The following PPP1R16B variants were observed in gnomAD, a reference collection of about 807,000 sequenced individuals.
The protein encoded by PPP1R16B is protein phosphatase 1 regulatory subunit 16B.
A neutral mutation model predicts 61.7 loss-of-function variants in PPP1R16B; 14 were observed. The observed-to-expected ratio is 0.23, with a 90% confidence interval of 0.15 to 0.35. PPP1R16B has a LOEUF of 0.35. Among genes scored for constraint, PPP1R16B ranks in the 10% least tolerant of loss-of-function variants. The pLI, the probability that PPP1R16B is intolerant of heterozygous loss-of-function variation, is 1.00. For synonymous variants in PPP1R16B, 266 were observed against 305.3 expected (o/e 0.87, Z 1.34); for missense variants, 547 against 752.5 (o/e 0.73, Z 3.19).
At chr20:38,830,257 C>T (rs1370429824) in intron 1 of PPP1R16B, among the ~76,000 whole-genome samples, 2 of 152,224 alleles carry the variant, frequency 1.3e-5, no homozygotes, top group Admixed American at 6.5e-5. Flanking sequence ...GCCTCTCTAG[C>T]CCTGAGCACA....
At chr20:38,836,297 C>T in intron 2 of PPP1R16B, 122 bp downstream of exon 2, 1 of 1,374,550 alleles carries the variant, frequency 7.3e-7, no homozygotes, top group Non-Finnish European at 9.7e-7. Flanking sequence ...TTCCAAGTTC[C>T]AGCAGCCCCA....
intron 2 of PPP1R16B, among the ~76,000 whole-genome samples, chr20:38,886,811 T>C (rs1196262260): frequency 6.6e-6 from 1 of 152,244 alleles, no homozygotes; most frequent in African/African-American, 2.4e-5. Flanking sequence ...GTCAAGGTCC[T>C]AGAGGAGTTC....
intron 1 of PPP1R16B, among the ~76,000 whole-genome samples, chr20:38,809,999 A>C (rs1216223996): frequency 2.6e-5 from 4 of 151,178 alleles, no homozygotes; most frequent in Admixed American, 6.6e-5. Flanking sequence ...AAAAAAAAAA[A>C]AAAAAAACAA....
At chr20:38,869,439 G>A (rs892188587) in intron 2 of PPP1R16B, among the ~76,000 whole-genome samples, 8 of 152,088 alleles carry the variant, frequency 5.3e-5, no homozygotes, top group Admixed American at 1.3e-4. Flanking sequence ...GATTACAGGC[G>A]TGAGCCACCG....
chr20:38,900,640 A>T lies in PPP1R16B; in HGVS notation c.527A>T (p.Asp176Val). The stretch of plus-strand genomic sequence containing the variant: ...AACATGCCATATGACCTCTGCGAGG[A>T]TGAACCCACCCTGGATGTCATCGAG... Reference protein sequence around the residue: ...DGNMPYDLCEDEPTLDVIETC... With the variant: ...DGNMPYDLCEVEPTLDVIETC... The change falls in exon 5 of 11, where the codon GAT becomes GTT. Residue 176 changes from aspartate to valine, a missense_variant. Transcript: ENST00000299824. 1 of 1,594,592 alleles carries T rather than the reference A, an allele frequency of 6.3e-7. No homozygotes were observed. Among genetic ancestry groups the T allele is most frequent in the Non-Finnish European group, 8.5e-7 (1 of 1,172,216 alleles).
intron 2 of PPP1R16B, among the ~76,000 whole-genome samples, chr20:38,840,973 A>C (rs559352687): frequency 1.3e-5 from 2 of 152,194 alleles, no homozygotes; most frequent in African/African-American, 4.8e-5. Context: ...ACATTTACGT[A>C]ATCTATTATT....
Position 38,907,889 on chromosome 20 carries a change from C to T in PPP1R16B, c.982C>T (p.His328Tyr). 1 of 1,614,244 alleles carries T rather than the reference C, an allele frequency of 6.2e-7. No homozygotes were observed. ...TGTGATCATGAAGTCACAGCTGAGG[C>T]ACAAGTCATCCTTGAGCCGGAGGAC... The part of the protein sequence containing the change: ...HDVIMKSQLR[H>Y]KSSLSRRTSS... The change falls in exon 9 of 11, where the codon CAC becomes TAC. Residue 328 changes from histidine (H) to tyrosine (Y), a missense_variant. Physicochemically the swap from His to Tyr is moderately conservative, Grantham distance 83. Transcript: ENST00000299824. The surrounding 1 kb of genome is among the most constrained non-coding windows in gnomAD (Gnocchi z 4.5).
chr20:38,888,297 A>C (rs2085261873), intron 2 of PPP1R16B, among the ~76,000 whole-genome samples: 1 of 152,188 alleles, frequency 6.6e-6, no homozygotes, highest in Non-Finnish European at 1.5e-5. Flanking sequence ...CTGGGCCTGC[A>C]CGCCTGGCTT....
At chr20:38,833,253 CA>C (rs2084849030) in intron 1 of PPP1R16B, among the ~76,000 whole-genome samples, 1 of 152,122 alleles carries the variant, frequency 6.6e-6, no homozygotes, top group Non-Finnish European at 1.5e-5. Flanking sequence ...TTTGAAATGA[CA>C]AAATTCTAGA....
chr20:38,915,347 T>A (rs1377198523), intron 10 of PPP1R16B, among the ~76,000 whole-genome samples: 2 of 152,238 alleles, frequency 1.3e-5, no homozygotes, highest in African/African-American at 4.8e-5. Context: ...GCTGTCCCAC[T>A]AAACAGCCCT....
intron 2 of PPP1R16B, among the ~76,000 whole-genome samples, chr20:38,887,552 C>A (rs145779641): frequency 4.5e-4 from 69 of 152,324 alleles, no homozygotes; most frequent in African/African-American, 1.6e-3. Flanking sequence ...TCCAATAGAA[C>A]TTTCCAAGAA....
rs117615107 is a variant in PPP1R16B at position 38,853,499 on chromosome 20, G to C, written c.250+17324G>C. Reference sequence around the variant, plus strand: ...TGTTAGGGTTTTCAGTCTTTCAAGAGAAGCTCAGGACACAGGCTTTTTGGC... The same window carrying C: ...TGTTAGGGTTTTCAGTCTTTCAAGACAAGCTCAGGACACAGGCTTTTTGGC... On this transcript the variant is annotated intron_variant, in intron 2 of 10. Coordinates refer to ENST00000299824, the MANE Select transcript of PPP1R16B (RefSeq NM_015568.4). Among the ~76,000 whole-genome samples the C allele has an allele frequency of 1.3e-3, 205 of 152,304 alleles. 1 individual carries two copies. The highest frequency in any genetic ancestry group is 2.2e-3 in the Non-Finnish European group (149 of 68,022).
intron 2 of PPP1R16B, among the ~76,000 whole-genome samples, chr20:38,875,209 T>C (rs1472601593): frequency 4.6e-5 from 7 of 152,186 alleles, no homozygotes; most frequent in African/African-American, 1.7e-4. Flanking sequence ...ACCTACATCC[T>C]GTCCTGGTCC....
chr20:38,861,400 C>T (rs571046290), intron 2 of PPP1R16B, among the ~76,000 whole-genome samples: 3 of 152,304 alleles, frequency 2.0e-5, no homozygotes, highest in African/African-American at 7.2e-5. Context: ...ATGAGATGTC[C>T]TTGTCTATGA....
intron 3 of PPP1R16B, among the ~76,000 whole-genome samples, chr20:38,891,789 G>A (rs1167773232): frequency 6.6e-6 from 1 of 150,670 alleles, no homozygotes; most frequent in Non-Finnish European, 1.5e-5. Context: ...GTGACAGAGT[G>A]AGACTCTGTC....
intron 2 of PPP1R16B, among the ~76,000 whole-genome samples, chr20:38,847,382 G>C (rs914794297): frequency 2.6e-5 from 4 of 152,156 alleles, no homozygotes; most frequent in African/African-American, 9.7e-5. Context: ...TTTTGAGACG[G>C]AGTCTCACTC....
At chr20:38,894,913 G>T (rs1024371043) in intron 3 of PPP1R16B, among the ~76,000 whole-genome samples, 1 of 152,222 alleles carries the variant, frequency 6.6e-6, no homozygotes, top group Non-Finnish European at 1.5e-5. Flanking sequence ...CAGCATGTAG[G>T]CAGGAACACA....
At chr20:38,822,398 G>C (rs1021947467) in intron 1 of PPP1R16B, among the ~76,000 whole-genome samples, 1 of 151,762 alleles carries the variant, frequency 6.6e-6, no homozygotes, top group Non-Finnish European at 1.5e-5. Flanking sequence ...CAAATAAAAA[G>C]CCATTAAAAA....
At chr20:38,832,572 G>A (rs1187103553) in intron 1 of PPP1R16B, among the ~76,000 whole-genome samples, 5 of 152,192 alleles carry the variant, frequency 3.3e-5, no homozygotes, top group Non-Finnish European at 7.3e-5. Flanking sequence ...CATTGCTGGA[G>A]GGTATGAAAC....
Sources: allele counts gnomAD v4.1 joint callset (sites outside exome capture counted in the v4.1 genomes callset), GRCh38; gene constraint gnomAD v4.1.1; non-coding constraint Gnocchi (gnomAD v3.1); transcripts MANE v1.5; gene names NCBI Gene and HGNC (gene_info 2026-07-23, HGNC 2026-07-21).